DGKB: variants seen among roughly 807,000 people sequenced by gnomAD.
DGKB encodes diacylglycerol kinase beta.
DGKB carries 67 observed loss-of-function variants against 114.3 expected under a neutral mutation model. The ratio of observed to expected loss-of-function variants is 0.59; its 90% CI spans 0.48 to 0.72. The LOEUF (loss-of-function observed/expected upper bound fraction) is 0.72. Among genes scored for constraint, DGKB ranks in the 30% least tolerant of loss-of-function variants. The pLI is 0.00. For synonymous variants in DGKB, 398 were observed against 323.1 expected, an observed-to-expected ratio of 1.23 and a Z score of -2.49; for missense variants, 907 against 975.2, an observed-to-expected ratio of 0.93 and a Z score of 0.93.
rs570108026 is a variant in DGKB, at chr7:14,358,706, C to T, written c.1836-13315G>A. 6.0e-3 allele frequency among the ~76,000 whole-genome samples: 906 copies of T among 152,122 alleles called. 8 individuals are homozygous for T. The Middle Eastern group carries it at 0.088, about 15-fold the overall frequency. On this transcript the variant is annotated intron_variant, in intron 21 of 25. Coordinates refer to ENST00000402815, the MANE Select transcript of DGKB (RefSeq NM_001350709.2). ...ATGAGTGAACTCCCATTAACAATTG[C>T]TACAAAGAGAATAAAATGCCTAGGA... is the stretch of plus-strand genomic sequence containing the variant.
At chr7:14,868,738 G>A (rs2128192125) in intron 1 of DGKB, among the ~76,000 whole-genome samples, 1 of 152,190 alleles carries the variant, frequency 6.6e-6, no homozygotes, top group South Asian at 2.1e-4. Flanking sequence ...CTTTAGAAAT[G>A]GAAGAGAAGG....
At chr7:14,354,455 G>A (rs1453358594) in intron 21 of DGKB, among the ~76,000 whole-genome samples, 1 of 152,066 alleles carries the variant, frequency 6.6e-6, no homozygotes. Context: ...TCAACAATCT[G>A]AGCATTTACT....
chr7:14,778,343 G>A lies in DGKB; in HGVS notation c.71-20612C>T, dbSNP rs555508175. ...CAGTCTCCATTAAGCTAATACCCAC[G>A]ACCTGTTTTCTTGTTTTTTTTTCAT... On this transcript the variant is annotated intron_variant, in intron 2 of 25. Transcript: ENST00000402815. Among the ~76,000 whole-genome samples, 6 of 152,004 alleles carry A rather than the reference G, an allele frequency of 3.9e-5. No homozygotes were observed. In the South Asian group the frequency reaches 1.2e-3, roughly 31 times the overall value.
At chr7:14,290,320 G>GT (rs974459809) in intron 23 of DGKB, among the ~76,000 whole-genome samples, 5 of 151,660 alleles carry the variant, frequency 3.3e-5, no homozygotes, top group South Asian at 2.1e-4. Context: ...ATTTTTATTT[G>GT]TTTTTTTTCC....
chr7:14,336,436 T>C (rs186668791), intron 23 of DGKB, among the ~76,000 whole-genome samples: 1 of 152,178 alleles, frequency 6.6e-6, no homozygotes, highest in African/African-American at 2.4e-5. Flanking sequence ...CATACTTCTG[T>C]TTTTGCTCAT....
In DGKB at chr7:14,852,279, A is replaced by AGTGT. The variant is rs143744648; in HGVS notation, c.-187-10833_-187-10830dup. On this transcript the variant is annotated intron_variant, in intron 1 of 25. Coordinates refer to ENST00000402815, the MANE Select transcript of DGKB (RefSeq NM_001350709.2). ...TTACATTTTAGCATATGCTGAAAGAAGTGTGTGTGTGTGTGTGTTTGTGTG... is the reference window on the plus strand; with the variant it reads ...TTACATTTTAGCATATGCTGAAAGAAGTGTGTGTGTGTGTGTGTGTGTTTGTGTG... Among the ~76,000 whole-genome samples the AGTGT allele has an allele frequency of 1.9e-3, 288 of 149,730 alleles. 1 individual carries two copies. Among genetic ancestry groups the AGTGT allele is most frequent in the African/African-American group, 6.3e-3 (258 of 40,976 alleles).
intron 1 of DGKB, among the ~76,000 whole-genome samples, chr7:14,969,147 C>T (rs10950543): frequency 0.18 from 26,965 of 151,842 alleles, 3,407 homozygotes; most frequent in East Asian, 0.58. Context: ...TTGATATTAC[C>T]GTCTGTCAGT....
chr7:14,707,596 G>A, intron 6 of DGKB, among the ~76,000 whole-genome samples: 1 of 75,832 alleles, frequency 1.3e-5, no homozygotes, highest in Non-Finnish European at 2.6e-5. Flanking sequence ...GAATCCAGCA[G>A]CACATCAAAA....
At chr7:14,295,561 C>T (rs570008336) in intron 23 of DGKB, among the ~76,000 whole-genome samples, 4 of 151,926 alleles carry the variant, frequency 2.6e-5, no homozygotes, top group Non-Finnish European at 1.5e-5. Context: ...CCTGGAGACT[C>T]ACCTATTTTT....
intron 1 of DGKB, among the ~76,000 whole-genome samples, chr7:14,940,631 A>G (rs1785523058): frequency 6.6e-6 from 1 of 152,128 alleles, no homozygotes; most frequent in Admixed American, 6.6e-5. Context: ...TATTAGTTAA[A>G]TAGATCAATA....
rs139925519 is a variant in DGKB at position 14,549,092 on chromosome 7, G to GAAAGTGA, written c.1770+25113_1770+25119dup. ...GAAAAGTAAAGTTAGAAAATCTCTTGAAAGTGACATAAAACCAGCAAGGTG... is the reference window on the plus strand; with the variant it reads ...GAAAAGTAAAGTTAGAAAATCTCTTGAAAGTGAAAAGTGACATAAAACCAGCAAGGTG... On this transcript the variant is annotated intron_variant, in intron 20 of 25. Coordinates refer to ENST00000402815, the MANE Select transcript of DGKB (RefSeq NM_001350709.2). 4.1e-3 allele frequency among the ~76,000 whole-genome samples: 619 copies of GAAAGTGA among 152,192 alleles called. 9 individuals carry two copies. The highest frequency in any genetic ancestry group is 0.014 in the East Asian group (74 of 5,178).
intron 23 of DGKB, among the ~76,000 whole-genome samples, chr7:14,321,330 G>C (rs1807758019): frequency 6.6e-6 from 1 of 151,838 alleles, no homozygotes; most frequent in South Asian, 2.1e-4. Flanking sequence ...ACATTCACAG[G>C]ATAAAGAATA....
intron 5 of DGKB, among the ~76,000 whole-genome samples, chr7:14,726,265 A>G (rs563701770): frequency 5.7e-4 from 86 of 152,084 alleles, no homozygotes; most frequent in Non-Finnish European, 1.1e-3. Context: ...TCAGCCTCCC[A>G]GGTAGCTGGG....
intron 1 of DGKB, among the ~76,000 whole-genome samples, chr7:14,923,634 TC>T (rs1405125825): frequency 1.1e-4 from 17 of 152,150 alleles, no homozygotes; most frequent in Non-Finnish European, 8.8e-5. Flanking sequence ...TGGCATTCAT[TC>T]TTGCATTTCT....
intron 1 of DGKB, among the ~76,000 whole-genome samples, chr7:14,918,415 G>T (rs1784343599): frequency 6.6e-6 from 1 of 152,092 alleles, no homozygotes; most frequent in African/African-American, 2.4e-5. Flanking sequence ...AAGGTTGCAG[G>T]ATACAAAGGT....
At chr7:14,387,681 T>C (rs1339568419) in intron 21 of DGKB, among the ~76,000 whole-genome samples, 3 of 151,962 alleles carry the variant, frequency 2.0e-5, no homozygotes, top group African/African-American at 7.3e-5. Context: ...CCTCCTAAAG[T>C]GCTGAGATTA....
At chr7:14,218,761 C>T (rs1431016779) in intron 23 of DGKB, among the ~76,000 whole-genome samples, 2 of 151,876 alleles carry the variant, frequency 1.3e-5, no homozygotes, top group East Asian at 1.9e-4. Flanking sequence ...GAAATGTAAT[C>T]CACATATCAT....
At chr7:14,849,529 G>C (rs1046854582) in intron 1 of DGKB, among the ~76,000 whole-genome samples, 1 of 151,908 alleles carries the variant, frequency 6.6e-6, no homozygotes, top group Non-Finnish European at 1.5e-5. Context: ...CCTAGATCTT[G>C]GATTTCCCAG....
At chr7:14,161,502 T>TTCATG (rs149736030) in intron 25 of DGKB, among the ~76,000 whole-genome samples, 8,820 of 152,126 alleles carry the variant, frequency 0.058, 437 homozygotes, top group East Asian at 0.13. Context: ...GATGAATGAG[T>TTCATG]TCATGTCTTT....
Sources: gnomAD v4.1 joint callset for allele counts (sites outside exome capture counted in the v4.1 genomes callset) on GRCh38, gnomAD v4.1.1 for gene constraint, MANE v1.5 for transcripts, NCBI Gene and HGNC (gene_info 2026-07-23, HGNC 2026-07-21) for gene names.